ARHGAP6: variants seen among roughly 807,000 people sequenced by gnomAD.
The protein encoded by ARHGAP6 is rho GTPase-activating protein 6.
ARHGAP6 carries 16 observed loss-of-function variants against 55.7 expected under a neutral mutation model. The observed-to-expected ratio is 0.29, with a 90% CI of 0.19 to 0.44. ARHGAP6 has a LOEUF of 0.44. ARHGAP6 is among the 20% of genes least tolerant of loss of function. The probability of loss-of-function intolerance (pLI) is 1.00; values close to 1 mark genes in which losing one functional copy is unlikely to be tolerated. For synonymous variants in ARHGAP6, 382 were observed against 360.9 expected, an observed-to-expected ratio of 1.06 and a Z score of -0.66; for missense variants, 698 against 808.9, an observed-to-expected ratio of 0.86 and a Z score of 1.66.
At chrX:11,364,801 G>T (rs1266176171) in intron 1 of ARHGAP6, among the ~76,000 whole-genome samples, 4 of 111,454 alleles carry the variant, frequency 3.6e-5, no homozygotes, top group Non-Finnish European at 7.5e-5. Flanking sequence ...ACCCTGTTCA[G>T]GAGTAGATAG....
At chrX:11,627,744 T>C (rs949582085) in intron 1 of ARHGAP6, among the ~76,000 whole-genome samples, 2 of 111,712 alleles carry the variant, frequency 1.8e-5, no homozygotes, top group African/African-American at 6.5e-5. Context: ...TAACATTATT[T>C]ACATGAGATT....
chrX:11,527,797 T>A (rs1405071138), intron 1 of ARHGAP6, among the ~76,000 whole-genome samples: 2 of 112,120 alleles, frequency 1.8e-5, no homozygotes, highest in Non-Finnish European at 3.8e-5. Flanking sequence ...GTCCCAAATA[T>A]TGCATGGTTC....
intron 1 of ARHGAP6, among the ~76,000 whole-genome samples, chrX:11,291,793 T>A (rs757151709): frequency 8.9e-6 from 1 of 111,875 alleles, no homozygotes; most frequent in Non-Finnish European, 1.9e-5. Flanking sequence ...TTTAGAATCA[T>A]ATTCTATGTT....
Position 11,566,813 on chromosome X carries a change from C to T in ARHGAP6, c.588+97428G>A, listed in dbSNP as rs188380083. On this transcript the variant is annotated intron_variant, in intron 1 of 12. Transcript: ENST00000337414. ...AAAGGATTGCAAAGCATAACAAAAGCCAAAATTGAAAACAAAACAAGACTT... is the reference window on the plus strand; with the variant it reads ...AAAGGATTGCAAAGCATAACAAAAGTCAAAATTGAAAACAAAACAAGACTT... 1.4e-4 allele frequency among the ~76,000 whole-genome samples: 16 copies of T among 112,096 alleles called. No individual in the cohort carries two copies. The East Asian group carries it at 3.1e-3, about 21-fold the overall frequency.
intron 12 of ARHGAP6, among the ~76,000 whole-genome samples, chrX:11,140,209 A>T (rs766261488): frequency 4.6e-5 from 5 of 108,839 alleles, no homozygotes; most frequent in African/African-American, 1.7e-4. Context: ...AAATAAAAAA[A>T]AAAATTAAAC....
intron 1 of ARHGAP6, among the ~76,000 whole-genome samples, chrX:11,486,219 G>C (rs2050509606): frequency 8.9e-6 from 1 of 112,190 alleles, no homozygotes; most frequent in Non-Finnish European, 1.9e-5. Flanking sequence ...AGGTGAGGTA[G>C]AAAACCCCAA....
chrX:11,242,429 T>C (rs1481407473), intron 2 of ARHGAP6, among the ~76,000 whole-genome samples: 1 of 112,180 alleles, frequency 8.9e-6, no homozygotes, highest in East Asian at 2.8e-4. Context: ...AGTCAAGTTA[T>C]ATGATTTTTT....
chrX:11,463,172 G>A (rs747917421), intron 1 of ARHGAP6, among the ~76,000 whole-genome samples: 1 of 112,156 alleles, frequency 8.9e-6, no homozygotes, highest in Non-Finnish European at 1.9e-5. Context: ...TCACTATACA[G>A]TGAAGTTACG....
intron 1 of ARHGAP6, among the ~76,000 whole-genome samples, chrX:11,654,163 T>C (rs1262044150): frequency 1.3e-4 from 15 of 111,578 alleles, no homozygotes; most frequent in African/African-American, 4.6e-4. Context: ...ATGGCTATTG[T>C]TGCCTAAGGC....
At chrX:11,483,644 GTT>G (rs72479996) in intron 1 of ARHGAP6, among the ~76,000 whole-genome samples, 10,666 of 102,651 alleles carry the variant, frequency 0.1, 492 homozygotes, top group East Asian at 0.19. Context: ...ATAATCAAAT[GTT>G]TTTTTTTTTT....
At chrX:11,536,677 A>C (rs2051107209) in intron 1 of ARHGAP6, among the ~76,000 whole-genome samples, 1 of 112,325 alleles carries the variant, frequency 8.9e-6, no homozygotes, top group Non-Finnish European at 1.9e-5. Context: ...AAAATAATTT[A>C]ACTTGTGGTA....
chrX:11,479,645 T>G (rs1391257759), intron 1 of ARHGAP6, among the ~76,000 whole-genome samples: 2 of 111,512 alleles, frequency 1.8e-5, no homozygotes, highest in African/African-American at 6.5e-5. Flanking sequence ...TTCTAATAAT[T>G]TTTTCAAAAG....
rs768596721 is a variant in ARHGAP6, at chrX:11,664,607, A to G, written c.222T>C (p.Ser74=). 3.4e-6 allele frequency: 4 copies of G among 1,171,004 alleles called. No homozygotes were observed. Among genetic ancestry groups the G allele is most frequent in the Non-Finnish European group, 4.6e-6 (4 of 875,326 alleles). The change falls in exon 1 of 13, where the codon AGT becomes AGC. Residue 74 remains serine (S), a synonymous_variant. Coordinates refer to ENST00000337414, the MANE Select transcript of ARHGAP6 (RefSeq NM_013427.3). The stretch of plus-strand genomic sequence containing the variant: ...AAGAGGACGCCAAGCGAGGGCCGAG[A>G]CTCTCGGCTGGGAGTGATGGGGAGT... The part of the protein sequence containing the change: ...RLYSPSLPAE[S]LGPRLASSSR...
chrX:11,345,893 T>C (rs5935016), intron 1 of ARHGAP6, among the ~76,000 whole-genome samples: 6,141 of 111,289 alleles, frequency 0.055, 199 homozygotes, highest in African/African-American at 0.12. Context: ...TGCCTTTCTC[T>C]CTAATAGAAC....
At chrX:11,342,775 A>G (rs1389797888) in intron 1 of ARHGAP6, among the ~76,000 whole-genome samples, 13 of 112,545 alleles carry the variant, frequency 1.2e-4, no homozygotes, top group Non-Finnish European at 2.4e-4. Flanking sequence ...ATTTTTAAAT[A>G]GTTTTATTAC....
intron 1 of ARHGAP6, among the ~76,000 whole-genome samples, chrX:11,500,426 C>T (rs745557146): frequency 2.7e-5 from 3 of 110,115 alleles, no homozygotes; most frequent in Non-Finnish European, 5.7e-5. Context: ...TTTGTGAGGC[C>T]GAGGTGGGTG....
intron 1 of ARHGAP6, among the ~76,000 whole-genome samples, chrX:11,361,726 A>C (rs1260611423): frequency 9.0e-6 from 1 of 111,591 alleles, no homozygotes; most frequent in East Asian, 2.8e-4. Context: ...CAACCTACAA[A>C]ATAGGAGAAA....
At chrX:11,329,831 C>G (rs1401837530) in intron 1 of ARHGAP6, among the ~76,000 whole-genome samples, 2 of 112,463 alleles carry the variant, frequency 1.8e-5, no homozygotes, top group Admixed American at 1.9e-4. Context: ...CAGACCTGTA[C>G]AGCATGTTAC....
chrX:11,362,822 T>C (rs1219813015), intron 1 of ARHGAP6, among the ~76,000 whole-genome samples: 1 of 111,470 alleles, frequency 9.0e-6, no homozygotes, highest in South Asian at 3.8e-4. Context: ...TCAAATCATT[T>C]TGTAAAATTC....
Sources: gnomAD v4.1 joint callset for allele counts (sites outside exome capture counted in the v4.1 genomes callset) on GRCh38, gnomAD v4.1.1 for gene constraint, MANE v1.5 for transcripts, NCBI Gene and HGNC (gene_info 2026-07-23, HGNC 2026-07-21) for gene names.